Variants in TINCR observed in about 807,000 individuals in gnomAD.
TINCR encodes the protein TINCR-encoded ubiquitin-like protein.
downstream of TINCR, chr19:5,559,547 G>A (rs1420385140): frequency 6.6e-6 from 1 of 152,182 alleles, no homozygotes; most frequent in Non-Finnish European, 1.5e-5. Flanking sequence ...GTGTTAGCCA[G>A]GATGGTCTCC....
downstream of TINCR, chr19:5,559,526 G>C (rs529296033): frequency 2.0e-5 from 3 of 152,144 alleles, no homozygotes; most frequent in South Asian, 2.1e-4. Flanking sequence ...TAGTAGAGAC[G>C]GGGTTTCACC....
chr19:5,566,512 C>CA (rs2052130020), intron 1 of TINCR, among the ~76,000 whole-genome samples: 1 of 148,444 alleles, frequency 6.7e-6, no homozygotes, highest in East Asian at 2.0e-4. Flanking sequence ...ACAAAAGAGA[C>CA]AGAGACTCAC....
At chr19:5,567,390 AGAGAGTGACAAAGAT>A (rs1336108963) in intron 1 of TINCR, among the ~76,000 whole-genome samples, 1 of 152,160 alleles carries the variant, frequency 6.6e-6, no homozygotes, top group Non-Finnish European at 1.5e-5. Flanking sequence ...GACAGAGACG[AGAGAGTGACAAAGAT>A]GAGAGTGACA....
chr19:5,561,738 T>A (rs1255406385), downstream of TINCR: 1 of 152,204 alleles, frequency 6.6e-6, no homozygotes, highest in Non-Finnish European at 1.5e-5. Context: ...TTCTGCCACC[T>A]GATGGCAGTC....
downstream of TINCR, chr19:5,558,518 G>A (rs2052082927): frequency 6.6e-6 from 1 of 152,384 alleles, no homozygotes; most frequent in Non-Finnish European, 1.5e-5. Flanking sequence ...GGATGGAGTA[G>A]CAGGAGAAAA....
chr19:5,566,106 G>A (rs766382774), intron 1 of TINCR, among the ~76,000 whole-genome samples: 4 of 152,202 alleles, frequency 2.6e-5, no homozygotes, highest in South Asian at 2.1e-4. Flanking sequence ...TGTGGGTAAC[G>A]GACACTGGAG....
rs982644296 is a variant in TINCR, at chr19:5,563,461, T to G, written c.261-512A>C. Among the ~76,000 whole-genome samples the G allele has an allele frequency of 6.6e-6, 1 of 152,052 alleles. No homozygotes were observed. The highest frequency in any genetic ancestry group is 2.4e-5 in the African/African-American group (1 of 41,396). On this transcript the variant is annotated intron_variant, in intron 1 of 1. Coordinates refer to ENST00000646160, the Ensembl canonical transcript of TINCR. This position sits in a 1 kb window ranked among gnomAD's most constrained non-coding sequence, Gnocchi z 4.7. ...GGAGGAAGAGAGGAATAGACTGATG[T>G]CAATAAAATCAGAATAATAACAACT...
intron 1 of TINCR, among the ~76,000 whole-genome samples, chr19:5,567,371 G>C (rs778430016): frequency 6.6e-5 from 10 of 152,036 alleles, no homozygotes; most frequent in Non-Finnish European, 1.0e-4. Context: ...AGAAGAGACA[G>C]AGATGAGAGA....
chr19:5,560,796 G>C (rs1403320285), downstream of TINCR: 2 of 152,524 alleles, frequency 1.3e-5, no homozygotes, highest in East Asian at 1.9e-4. This position sits in a 1 kb window ranked among gnomAD's most constrained non-coding sequence, Gnocchi z 4.5. Flanking sequence ...CACAGTTGGA[G>C]GCCTGAGAAG....
In TINCR at chr19:5,563,626, G is replaced by C. The variant is rs532609010; in HGVS notation, c.261-677C>G. Reference sequence around the variant, plus strand: ...CCACCTGTAAACCGCCAATGATAACGGCACCCGGCCAGGCACGGTGGCTCA... The same window carrying C: ...CCACCTGTAAACCGCCAATGATAACCGCACCCGGCCAGGCACGGTGGCTCA... On this transcript the variant is annotated intron_variant, in intron 1 of 1. Transcript: ENST00000646160. This position sits in a 1 kb window ranked among gnomAD's most constrained non-coding sequence, Gnocchi z 4.7. Among the ~76,000 whole-genome samples the C allele has an allele frequency of 6.6e-6, 1 of 151,908 alleles. No homozygotes were observed.
In TINCR at chr19:5,563,240, G is replaced by T. The variant is rs1337197907; in HGVS notation, c.261-291C>A. ...AGGGCTGCCGGCAGAGGAGGGACAC[G>T]CCCCGACTCAGGGGCTCACAGGCGC... On this transcript the variant is annotated intron_variant, in intron 1 of 1. Coordinates refer to ENST00000646160, the Ensembl canonical transcript of TINCR. This position sits in a 1 kb window ranked among gnomAD's most constrained non-coding sequence, Gnocchi z 4.7. Among the ~76,000 whole-genome samples the T allele has an allele frequency of 2.0e-5, 3 of 152,000 alleles. No individual in the cohort carries two copies. Among genetic ancestry groups the T allele is most frequent in the African/African-American group, 7.2e-5 (3 of 41,402 alleles).
At chr19:5,561,032 G>C (rs932938118), downstream of TINCR, 2 of 154,202 alleles carry the variant, frequency 1.3e-5, no homozygotes, top group East Asian at 3.8e-4. Flanking sequence ...GCTCCAGGCA[G>C]GGGGCACGGC....
chr19:5,560,772 G>C (rs922818493), downstream of TINCR: 4 of 152,556 alleles, frequency 2.6e-5, no homozygotes, highest in African/African-American at 9.6e-5. This position sits in a 1 kb window ranked among gnomAD's most constrained non-coding sequence, Gnocchi z 4.5. Context: ...AGGTATTTGG[G>C]GGTGGAAATG....
rs1232816165 is a variant in TINCR at position 5,563,366 on chromosome 19, TG to T, written c.261-418del. Among the ~76,000 whole-genome samples, 1 of 151,166 alleles carries T rather than the reference TG, an allele frequency of 6.6e-6. No individual in the cohort carries two copies. Among genetic ancestry groups the T allele is most frequent in the Non-Finnish European group, 1.5e-5 (1 of 67,794 alleles). On this transcript the variant is annotated intron_variant, in intron 1 of 1. Coordinates refer to ENST00000646160, the Ensembl canonical transcript of TINCR. This position sits in a 1 kb window ranked among gnomAD's most constrained non-coding sequence, Gnocchi z 4.7. Reference sequence around the variant, plus strand: ...CTGGGCTGGGCCAGGGGTTGAGAAGTGGGAGGATTATGGTTAGACTTTGAAG... The same window carrying T: ...CTGGGCTGGGCCAGGGGTTGAGAAGTGGAGGATTATGGTTAGACTTTGAAG...
downstream of TINCR, chr19:5,561,062 GGA>G: frequency 6.5e-6 from 1 of 154,364 alleles, no homozygotes; most frequent in South Asian, 2.1e-4. Flanking sequence ...GGTGTGGCTG[GGA>G]AAATGTCCTG....
Position 5,565,144 on chromosome 19 carries a change from C to T in TINCR, c.261-2195G>A, listed in dbSNP as rs2052121918. Among the ~76,000 whole-genome samples the T allele has an allele frequency of 6.6e-6, 1 of 152,132 alleles. No individual in the cohort carries two copies. The highest frequency in any genetic ancestry group is 2.4e-5 in the African/African-American group (1 of 41,436). The stretch of plus-strand genomic sequence containing the variant: ...CTGCCCTGGCCCCTCCCTGCCCTCC[C>T]TTCCTCCCTCTCTCCCCCTTGCTCC... On this transcript the variant is annotated intron_variant, in intron 1 of 1. Coordinates refer to ENST00000646160, the Ensembl canonical transcript of TINCR. This position sits in a 1 kb window ranked among gnomAD's most constrained non-coding sequence, Gnocchi z 4.0.
chr19:5,564,601 C>T (rs764233135), intron 1 of TINCR, among the ~76,000 whole-genome samples: 18 of 152,136 alleles, frequency 1.2e-4, no homozygotes, highest in Middle Eastern at 3.2e-3. Context: ...TGTTTTGAGA[C>T]GGAGTCTCAC....
At chr19:5,560,329 A>G (rs1047368138), downstream of TINCR, 4 of 152,256 alleles carry the variant, frequency 2.6e-5, no homozygotes, top group African/African-American at 4.8e-5. This position sits in a 1 kb window ranked among gnomAD's most constrained non-coding sequence, Gnocchi z 4.5. Flanking sequence ...CCACCTGTCC[A>G]TGCTCTGAGT....
At chr19:5,559,381 C>G (rs961864783), downstream of TINCR, 1 of 150,058 alleles carries the variant, frequency 6.7e-6, no homozygotes, top group East Asian at 2.0e-4. Flanking sequence ...GTCGCCCAGG[C>G]TGGAGTGCAG....
Sources: allele counts gnomAD v4.1 joint callset (sites outside exome capture counted in the v4.1 genomes callset), GRCh38; gene constraint gnomAD v4.1.1; non-coding constraint Gnocchi (gnomAD v3.1); transcripts MANE v1.5; gene names NCBI Gene and HGNC (gene_info 2026-07-23, HGNC 2026-07-21).